Variants in KIRREL3 observed in about 807,000 individuals in gnomAD.
KIRREL3 encodes the protein kirre like nephrin family adhesion molecule 3.
In KIRREL3, 36 loss-of-function variants were observed where a neutral mutation model predicts 89.7. The observed-to-expected ratio is 0.40, with a 90% confidence interval of 0.31 to 0.53. The LOEUF is 0.53. KIRREL3 is among the 20% of genes least tolerant of loss of function. KIRREL3 has a pLI of 0.49. For synonymous variants in KIRREL3, 445 were observed against 441.4 expected (o/e 1.01, Z -0.10); for missense variants, 864 against 1,056.6 (o/e 0.82, Z 2.53).
rs1335666759 is a variant in KIRREL3 at position 126,734,521 on chromosome 11, G to A, written c.56-171609C>T. Among the ~76,000 whole-genome samples the A allele has an allele frequency of 1.3e-5, 2 of 152,004 alleles. No individual in the cohort carries two copies. Among genetic ancestry groups the A allele is most frequent in the Non-Finnish European group, 2.9e-5 (2 of 68,012 alleles). On this transcript the variant is annotated intron_variant, in intron 1 of 16. Transcript: ENST00000525144. The surrounding 1 kb of genome is among the most constrained non-coding windows in gnomAD (Gnocchi z 5.9). ...TCTACGAAAAATACAAAATCAGCTG[G>A]GCATGGCAGCGCGTGCCTGTAATCC...
intron 1 of KIRREL3, among the ~76,000 whole-genome samples, chr11:126,863,490 CGTGT>C (rs1471339365): frequency 6.8e-5 from 2 of 29,256 alleles, no homozygotes; most frequent in Non-Finnish European, 1.2e-4. Flanking sequence ...TGTGTGAGTG[CGTGT>C]GTGAGTGTGA....
intron 1 of KIRREL3, among the ~76,000 whole-genome samples, chr11:126,847,865 A>G (rs1428582082): frequency 6.6e-6 from 1 of 152,208 alleles, no homozygotes; most frequent in East Asian, 1.9e-4. Context: ...TTATGGCAAT[A>G]TAGTTATTTA....
intron 2 of KIRREL3, among the ~76,000 whole-genome samples, chr11:126,533,337 T>G (rs1327026569): frequency 6.6e-6 from 1 of 152,122 alleles, no homozygotes; most frequent in Non-Finnish European, 1.5e-5. Flanking sequence ...GTGCCTCTAG[T>G]CCTCGCCCCC....
rs375403200 is a variant in KIRREL3, at chr11:126,431,674, G to A, written c.1589-148C>T. ...AGTGGGGCCTGGGCAGGCACAGGCC[G>A]AGTCCAACTGGGGTCAGCTCTAGCT... On this transcript the variant is annotated intron_variant, in intron 13 of 16. Coordinates refer to ENST00000525144, the MANE Select transcript of KIRREL3 (RefSeq NM_032531.4). This position sits in a 1 kb window ranked among gnomAD's most constrained non-coding sequence, Gnocchi z 7.1. The A allele has an allele frequency of 1.2e-5, 9 of 764,518 alleles. No homozygotes were observed. Among genetic ancestry groups the A allele is most frequent in the Admixed American group, 2.3e-5 (1 of 44,060 alleles). The allele number at this position is 764,518 out of a possible 1,614,324, so 47.4% of individuals were successfully genotyped here. A position where few individuals can be genotyped will look rare whatever the true frequency, so the allele number is the denominator to read the frequency against.
intron 1 of KIRREL3, among the ~76,000 whole-genome samples, chr11:126,701,351 C>G (rs1947306265): frequency 6.6e-6 from 1 of 152,146 alleles, no homozygotes; most frequent in Admixed American, 6.5e-5. Context: ...ACCGAGCCCC[C>G]TGGATTCTCT....
At chr11:126,775,728 T>A (rs1377000743) in intron 1 of KIRREL3, among the ~76,000 whole-genome samples, 1 of 152,244 alleles carries the variant, frequency 6.6e-6, no homozygotes. Flanking sequence ...TTTCAATTTT[T>A]ATTTTTTAGC....
At chr11:126,846,392 T>C (rs1195018099) in intron 1 of KIRREL3, among the ~76,000 whole-genome samples, 1 of 152,234 alleles carries the variant, frequency 6.6e-6, no homozygotes, top group African/African-American at 2.4e-5. Flanking sequence ...CTTTAATTAA[T>C]TCGTTTAAAA....
At position 126,768,003 on chromosome 11, in the gene KIRREL3, A is replaced by G. The variant is rs1949884377; in HGVS notation, c.56-205091T>C. Reference sequence around the variant, plus strand: ...GTGAAGTCCAAATAATCTTCATGACATCCAAAGCCCTGTGTTCTGCTTCTG... The same window carrying G: ...GTGAAGTCCAAATAATCTTCATGACGTCCAAAGCCCTGTGTTCTGCTTCTG... On this transcript the variant is annotated intron_variant, in intron 1 of 16. Coordinates refer to ENST00000525144, the MANE Select transcript of KIRREL3 (RefSeq NM_032531.4). This position sits in a 1 kb window ranked among gnomAD's most constrained non-coding sequence, Gnocchi z 4.5. Among the ~76,000 whole-genome samples the G allele has an allele frequency of 6.6e-6, 1 of 152,216 alleles. No homozygotes were observed. The highest frequency in any genetic ancestry group is 6.5e-5 in the Admixed American group (1 of 15,280).
rs1208054149 is a variant in KIRREL3 at position 126,522,001 on chromosome 11, C to T, written c.284-537G>A. On this transcript the variant is annotated intron_variant, in intron 3 of 16. Coordinates refer to ENST00000525144, the MANE Select transcript of KIRREL3 (RefSeq NM_032531.4). This position sits in a 1 kb window ranked among gnomAD's most constrained non-coding sequence, Gnocchi z 6.0. ...TTAGGCGGTTCTCCCTCCTCAACCTCCCAAAGTTCTGGGATTATAGGCATG... is the reference window on the plus strand; with the variant it reads ...TTAGGCGGTTCTCCCTCCTCAACCTTCCAAAGTTCTGGGATTATAGGCATG... Among the ~76,000 whole-genome samples the T allele has an allele frequency of 6.6e-6, 1 of 152,094 alleles. No homozygotes were observed. The highest frequency in any genetic ancestry group is 1.5e-5 in the Non-Finnish European group (1 of 68,030).
intron 1 of KIRREL3, among the ~76,000 whole-genome samples, chr11:126,659,055 G>T (rs1251767090): frequency 1.3e-5 from 2 of 152,152 alleles, no homozygotes; most frequent in East Asian, 3.9e-4. Flanking sequence ...CTGGCCAATT[G>T]GTTAGCTAAT....
rs931735697 is a variant in KIRREL3, at chr11:126,747,937, G to T, written c.56-185025C>A. Among the ~76,000 whole-genome samples the T allele has an allele frequency of 3.3e-5, 5 of 152,140 alleles. No homozygotes were observed. The highest frequency in any genetic ancestry group is 9.7e-5 in the African/African-American group (4 of 41,424). ...TTTCCCTATCCCACAGGGTCTAGAT[G>T]CGGCCTTCCCAGGTGACTTTCTGCT... On this transcript the variant is annotated intron_variant, in intron 1 of 16. Coordinates refer to ENST00000525144, the MANE Select transcript of KIRREL3 (RefSeq NM_032531.4). The surrounding 1 kb of genome is among the most constrained non-coding windows in gnomAD (Gnocchi z 4.7).
intron 4 of KIRREL3, among the ~76,000 whole-genome samples, chr11:126,487,364 C>G (rs75819958): frequency 0.023 from 3,469 of 152,234 alleles, 140 homozygotes; most frequent in African/African-American, 0.075. Flanking sequence ...TGTGGGGAGA[C>G]ACACACAGTC....
At chr11:126,942,934 G>A (rs989276061) in intron 1 of KIRREL3, among the ~76,000 whole-genome samples, 11 of 152,140 alleles carry the variant, frequency 7.2e-5, no homozygotes, top group Non-Finnish European at 1.0e-4. Context: ...GGCTCGGCTC[G>A]TTAACATGCA....
Position 126,782,298 on chromosome 11 carries a change from TG to T in KIRREL3, c.55+218156del, listed in dbSNP as rs1950349181. Among the ~76,000 whole-genome samples the T allele has an allele frequency of 6.6e-6, 1 of 152,224 alleles. No individual in the cohort carries two copies. Among genetic ancestry groups the T allele is most frequent in the South Asian group, 2.1e-4 (1 of 4,834 alleles). On this transcript the variant is annotated intron_variant, in intron 1 of 16. Transcript: ENST00000525144. This position sits in a 1 kb window ranked among gnomAD's most constrained non-coding sequence, Gnocchi z 4.1. The stretch of plus-strand genomic sequence containing the variant: ...CTGATAGGAATAAGGAATAATGCTT[TG>T]TTGTGCTAAGCTGAGATTTTTTGAT...
Position 126,639,389 on chromosome 11 carries a change from C to T in KIRREL3, c.56-76477G>A, listed in dbSNP as rs1245266226. 1.3e-5 allele frequency among the ~76,000 whole-genome samples: 2 copies of T among 152,182 alleles called. No homozygotes were observed. The highest frequency in any genetic ancestry group is 1.3e-4 in the Admixed American group (2 of 15,286). ...AAGCAAAAGGAAAAACGTTCCTTTG[C>T]TTTACCAAACCTCATTTAAAAGTTG... On this transcript the variant is annotated intron_variant, in intron 1 of 16. Coordinates refer to ENST00000525144, the MANE Select transcript of KIRREL3 (RefSeq NM_032531.4). The surrounding 1 kb of genome is among the most constrained non-coding windows in gnomAD (Gnocchi z 4.3).
chr11:126,671,674 C>T (rs1591927805), intron 1 of KIRREL3, among the ~76,000 whole-genome samples: 2 of 152,272 alleles, frequency 1.3e-5, no homozygotes, highest in Middle Eastern at 3.4e-3. Flanking sequence ...AGAAACATAT[C>T]AAAAGATGAT....
chr11:126,968,120 T>A (rs1300703032), intron 1 of KIRREL3, among the ~76,000 whole-genome samples: 1 of 152,230 alleles, frequency 6.6e-6, no homozygotes, highest in South Asian at 2.1e-4. Context: ...TTGGATTTTG[T>A]AAAGCTGTTG....
At position 126,606,596 on chromosome 11, in the gene KIRREL3, A is replaced by G. The variant is rs1239488631; in HGVS notation, c.56-43684T>C. On this transcript the variant is annotated intron_variant, in intron 1 of 16. Transcript: ENST00000525144. The surrounding 1 kb of genome is among the most constrained non-coding windows in gnomAD (Gnocchi z 4.6). ...CATCCCAGATGACCTTACACACCCC[A>G]GGGGTTGATACCAGGCCGAGACCCT... Among the ~76,000 whole-genome samples, 1 of 152,100 alleles carries G rather than the reference A, an allele frequency of 6.6e-6. No homozygotes were observed. The highest frequency in any genetic ancestry group is 1.5e-5 in the Non-Finnish European group (1 of 68,014).
chr11:126,455,517 G>C lies in KIRREL3; in HGVS notation c.848+832C>G, dbSNP rs1489363940. ...AAACAGTGATGCTTTGGCCGGGTGC[G>C]GTGGCTCATGCCTGTAATCCCAGCA... On this transcript the variant is annotated intron_variant, in intron 7 of 16. Coordinates refer to ENST00000525144, the MANE Select transcript of KIRREL3 (RefSeq NM_032531.4). This position sits in a 1 kb window ranked among gnomAD's most constrained non-coding sequence, Gnocchi z 6.4. Among the ~76,000 whole-genome samples the C allele has an allele frequency of 6.6e-6, 1 of 152,130 alleles. No homozygotes were observed. The highest frequency in any genetic ancestry group is 1.5e-5 in the Non-Finnish European group (1 of 68,028).
Sources: allele counts gnomAD v4.1 joint callset (sites outside exome capture counted in the v4.1 genomes callset), GRCh38; gene constraint gnomAD v4.1.1; non-coding constraint Gnocchi (gnomAD v3.1); transcripts MANE v1.5; gene names NCBI Gene and HGNC (gene_info 2026-07-23, HGNC 2026-07-21).